The following ECE1 variants were observed in gnomAD, a reference collection of about 807,000 sequenced individuals.
The protein encoded by ECE1 is endothelin converting enzyme 1, also known as endothelin-converting enzyme 1.
Under a neutral mutation model 98.6 loss-of-function variants are expected in ECE1, and 35 were observed. The observed-to-expected ratio is 0.35, with a 90% CI of 0.27 to 0.47. The LOEUF (loss-of-function observed/expected upper bound fraction) is 0.47. Among genes scored for constraint, ECE1 ranks in the 20% least tolerant of loss-of-function variants. The probability of loss-of-function intolerance (pLI) is 1.00; values close to 1 mark genes in which losing one functional copy is unlikely to be tolerated. For missense variants in ECE1, 814 were observed against 1,025.3 expected (o/e 0.79, Z 2.81); for synonymous variants, 394 against 407.1 (o/e 0.97, Z 0.39).
At chr1:21,273,132 A>G (rs577353112) in intron 3 of ECE1, among the ~76,000 whole-genome samples, 1 of 152,362 alleles carries the variant, frequency 6.6e-6, no homozygotes, top group South Asian at 2.1e-4. Context: ...GCTAAAAGGT[A>G]CCCAGAACCC....
rs989037385 is a variant in ECE1 at position 21,220,246 on chromosome 1, A to G, written c.2137-115T>C. The stretch of plus-strand genomic sequence containing the variant: ...TGCGGTGGCTCACACCTGTAATCCC[A>G]GCACTTTGGGAGCCAAGGTGGAAGG... On this transcript the variant is annotated intron_variant, in intron 18 of 18. Transcript: ENST00000374893. This position sits in a 1 kb window ranked among gnomAD's most constrained non-coding sequence, Gnocchi z 5.0. The G allele has an allele frequency of 3.2e-6, 4 of 1,234,552 alleles. No homozygotes were observed. The highest frequency in any genetic ancestry group is 1.5e-5 in the African/African-American group (1 of 65,796). The allele number at this position is 1,234,552 out of a possible 1,614,324, so 76.5% of individuals were successfully genotyped here.
intron 1 of ECE1, among the ~76,000 whole-genome samples, chr1:21,304,122 T>G (rs1638544882): frequency 1.3e-5 from 2 of 150,582 alleles, no homozygotes; most frequent in African/African-American, 4.9e-5. Context: ...GAGACCATCC[T>G]GGCCAATACA....
chr1:21,288,886 C>G (rs1487270994), intron 2 of ECE1, among the ~76,000 whole-genome samples: 2 of 150,278 alleles, frequency 1.3e-5, no homozygotes, highest in Non-Finnish European at 3.0e-5. Context: ...GACAGTAATC[C>G]CTACAGGTCT....
At position 21,225,400 on chromosome 1, in the gene ECE1, C is replaced by T; in HGVS notation, c.1890G>A (p.Trp630Ter). Residue 630 changes from tryptophan to a stop codon, truncating the protein, a stop_gained, in exon 17 of 19, where the codon TGG becomes TGA. Coordinates refer to ENST00000374893, the MANE Select transcript of ECE1 (RefSeq NM_001397.3). LOFTEE classifies it high-confidence loss of function. The surrounding 1 kb of genome is among the most constrained non-coding windows in gnomAD (Gnocchi z 5.3). ...YDKDGNLRPW[W>*]KNSSVEAFKR... The stretch of plus-strand genomic sequence containing the variant: ...TGAAGGCCTCCACGGATGAGTTCTT[C>T]CACCATGGCCGGAGGTTCCCGTCCT... The T allele has an allele frequency of 1.2e-6, 2 of 1,614,224 alleles. No homozygotes were observed. Among genetic ancestry groups the T allele is most frequent in the Non-Finnish European group, 1.7e-6 (2 of 1,180,040 alleles).
intron 4 of ECE1, chr1:21,267,341 G>C (rs2098235118): frequency 6.6e-6 from 1 of 152,596 alleles, no homozygotes. Flanking sequence ...TGGACTTCCA[G>C]TTCCACGTGG....
Position 21,246,851 on chromosome 1 carries a change from G to A in ECE1, c.1163+370C>T, listed in dbSNP as rs10916955. 1.9e-3 allele frequency among the ~76,000 whole-genome samples: 291 copies of A among 152,254 alleles called. 1 individual carries two copies. The highest frequency in any genetic ancestry group is 6.4e-3 in the African/African-American group (267 of 41,540). ...ATTTTTTATTTTTTGTAGAGACACC[G>A]TCTCGCCATGTTGCCCAGGCTGGTC... is the stretch of plus-strand genomic sequence containing the variant. On this transcript the variant is annotated intron_variant, in intron 9 of 18. Coordinates refer to ENST00000374893, the MANE Select transcript of ECE1 (RefSeq NM_001397.3).
intron 1 of ECE1, among the ~76,000 whole-genome samples, chr1:21,326,012 G>A (rs1318061610): frequency 6.6e-6 from 1 of 152,182 alleles, no homozygotes; most frequent in Non-Finnish European, 1.5e-5. Flanking sequence ...CTGTGGGAAG[G>A]GGGCTTTCTT....
At chr1:21,243,810 C>T (rs1367846358) in intron 10 of ECE1, among the ~76,000 whole-genome samples, 1 of 152,234 alleles carries the variant, frequency 6.6e-6, no homozygotes, top group Non-Finnish European at 1.5e-5. Context: ...GGGCAGCCAA[C>T]CCACTGCTCC....
intron 1 of ECE1, chr1:21,298,912 A>T (rs2103374990): frequency 2.2e-6 from 1 of 456,186 alleles, no homozygotes; most frequent in South Asian, 1.5e-5. Context: ...ACTGCAAAGC[A>T]GACCAGAAAG....
intron 3 of ECE1, among the ~76,000 whole-genome samples, chr1:21,273,901 C>T (rs973399944): frequency 2.0e-5 from 3 of 152,182 alleles, no homozygotes; most frequent in Non-Finnish European, 2.9e-5. Context: ...TCAAGGTTGG[C>T]GGCTGAGCTC....
At chr1:21,314,193 G>T (rs1638784820) in intron 1 of ECE1, among the ~76,000 whole-genome samples, 1 of 152,240 alleles carries the variant, frequency 6.6e-6, no homozygotes, top group African/African-American at 2.4e-5. Flanking sequence ...CTGGTAAAAA[G>T]ATGGGATCAA....
chr1:21,304,132 A>G (rs985550332), intron 1 of ECE1, among the ~76,000 whole-genome samples: 14 of 150,930 alleles, frequency 9.3e-5, no homozygotes, highest in Non-Finnish European at 1.9e-4. Context: ...TGGCCAATAC[A>G]GTGAAACCCT....
chr1:21,296,617 G>T (rs887796345), intron 1 of ECE1, among the ~76,000 whole-genome samples: 1 of 152,194 alleles, frequency 6.6e-6, no homozygotes, highest in Non-Finnish European at 1.5e-5. Context: ...TTTTACTCTT[G>T]TGTCTTACAA....
intron 1 of ECE1, among the ~76,000 whole-genome samples, chr1:21,321,905 C>T (rs1381197433): frequency 2.0e-5 from 3 of 152,158 alleles, no homozygotes; most frequent in South Asian, 2.1e-4. Flanking sequence ...CATGAGCCAC[C>T]GTGCCCACCC....
chr1:21,324,829 G>A (rs763637248), intron 1 of ECE1, among the ~76,000 whole-genome samples: 15 of 152,122 alleles, frequency 9.9e-5, no homozygotes, highest in Admixed American at 2.6e-4. Flanking sequence ...TGTGTCACTG[G>A]GCGTCACCCA....
intron 4 of ECE1, among the ~76,000 whole-genome samples, chr1:21,269,131 G>C (rs1287394797): frequency 6.6e-6 from 1 of 152,190 alleles, no homozygotes; most frequent in South Asian, 2.1e-4. Context: ...CAGCAGTGCC[G>C]ACCCAGGGCC....
chr1:21,308,679 G>T (rs1041834713), intron 1 of ECE1, among the ~76,000 whole-genome samples: 1 of 152,114 alleles, frequency 6.6e-6, no homozygotes, highest in Non-Finnish European at 1.5e-5. Flanking sequence ...AACAGGGCTA[G>T]TACCCCCAAC....
In ECE1 at chr1:21,322,495, G is replaced by T. The variant is rs1638985979; in HGVS notation, c.3+22881C>A. 6.6e-6 allele frequency among the ~76,000 whole-genome samples: 1 copy of T among 152,236 alleles called. No individual in the cohort carries two copies. The highest frequency in any genetic ancestry group is 2.4e-5 in the African/African-American group (1 of 41,458). ...GCCCTTCTCACCTGGCCAGTGCAAG[G>T]CGCAGGCTGAGGCACAGGTTGGGGC... On this transcript the variant is annotated intron_variant, in intron 1 of 18. Coordinates refer to the ECE1 transcript ENST00000415912. The surrounding 1 kb of genome is among the most constrained non-coding windows in gnomAD (Gnocchi z 4.1).
rs1024143446 is a variant in ECE1, at chr1:21,290,372, C to T, written c.43G>A (p.Ala15Thr). The T allele has an allele frequency of 1.7e-5, 21 of 1,235,496 alleles. No individual in the cohort carries two copies. The African/African-American group carries it at 3.1e-4, about 18-fold the overall frequency. The allele number at this position is 1,235,496 out of a possible 1,614,324, so 76.5% of individuals were successfully genotyped here. A position where few individuals can be genotyped will look rare whatever the true frequency, so the allele number is the denominator to read the frequency against. Reference protein sequence around the residue: ...WPPPVSALLSALGMSTYKRAT... With the variant: ...WPPPVSALLSTLGMSTYKRAT... ...GGCCGCGCCCGCCTCACCCCCAGCG[C>T]CGACAGCAGGGCGGACACCGGGGGC... The change falls in exon 1 of 19, where the codon GCG becomes ACG. Residue 15 changes from alanine (A) to threonine (T), a missense_variant. By Grantham distance (58) the Ala-to-Thr change is moderately conservative (BLOSUM62 0). Coordinates refer to ENST00000374893, the MANE Select transcript of ECE1 (RefSeq NM_001397.3). This position sits in a 1 kb window ranked among gnomAD's most constrained non-coding sequence, Gnocchi z 7.3.
Sources: gnomAD v4.1 joint callset for allele counts (sites outside exome capture counted in the v4.1 genomes callset) on GRCh38, gnomAD v4.1.1 for gene constraint, Gnocchi (gnomAD v3.1) non-coding constraint, MANE v1.5 for transcripts, NCBI Gene and HGNC (gene_info 2026-07-23, HGNC 2026-07-21) for gene names.